KLRG1: variants seen among roughly 807,000 people sequenced by gnomAD.
KLRG1 encodes killer cell lectin-like receptor subfamily G member 1.
Under a neutral mutation model 21.8 loss-of-function variants are expected in KLRG1, and 16 were observed. The observed-to-expected ratio is 0.73, with a 90% CI of 0.50 to 1.11. KLRG1 has a LOEUF of 1.11. Among genes scored for constraint, KLRG1 ranks in the 50% most tolerant of loss-of-function variants. The probability of loss-of-function intolerance (pLI) is 0.00; values close to 1 mark genes in which losing one functional copy is unlikely to be tolerated. For synonymous variants in KLRG1, 69 were observed against 75.9 expected (o/e 0.91, Z 0.47); for missense variants, 173 against 218.3 (o/e 0.79, Z 1.31).
At chr12:9,131,132 G>C in the KLRG1 span, among the ~76,000 whole-genome samples, 2,505 of 152,132 alleles carry the variant, frequency 0.016, 71 homozygotes, top group African/African-American at 0.057. Flanking sequence ...ATTCTATTAC[G>C]ATGGTTTATT....
upstream of KLRG1, chr12:8,989,533 C>T: frequency 2.8e-6 from 2 of 706,348 alleles, no homozygotes; most frequent in South Asian, 1.8e-5. Flanking sequence ...GTGAAGTTTC[C>T]TGCTAGCAGT....
At chr12:9,070,347 G>T in the KLRG1 span, 1 of 648,626 alleles carries the variant, frequency 1.5e-6, no homozygotes, top group Non-Finnish European at 2.7e-6. Flanking sequence ...AAACACATGT[G>T]ATTATATTTC....
At chr12:9,075,054 A>G in the KLRG1 span, among the ~76,000 whole-genome samples, 2 of 152,220 alleles carry the variant, frequency 1.3e-5, no homozygotes, top group Non-Finnish European at 2.9e-5. Context: ...ATGGCACAGC[A>G]GTTGTCTCAT....
At chr12:9,192,094 A>C in the KLRG1 span, 1 of 1,026,664 alleles carries the variant, frequency 9.7e-7, no homozygotes, top group Non-Finnish European at 1.5e-6. Flanking sequence ...CCTTATTGTG[A>C]AGGGATGATG....
the KLRG1 span, among the ~76,000 whole-genome samples, chr12:9,048,383 C>T: frequency 6.6e-6 from 1 of 151,992 alleles, no homozygotes; most frequent in African/African-American, 2.4e-5. Context: ...CAACATTACC[C>T]TAATACCAAA....
intron 1 of KLRG1, among the ~76,000 whole-genome samples, chr12:8,963,549 A>G (rs749349498): frequency 6.6e-6 from 1 of 152,346 alleles, no homozygotes; most frequent in African/African-American, 2.4e-5. Flanking sequence ...CTGGCCTCAT[A>G]AAATGAGTTA....
chr12:9,165,067 G>C, the KLRG1 span: 58 of 1,505,766 alleles, frequency 3.9e-5, no homozygotes, highest in Non-Finnish European at 5.3e-5. Context: ...CTCAGGAACA[G>C]AATCAGTAGC....
the KLRG1 span, among the ~76,000 whole-genome samples, chr12:9,177,244 G>A: frequency 6.6e-6 from 1 of 152,190 alleles, no homozygotes; most frequent in Non-Finnish European, 1.5e-5. Context: ...TAGCTCTCTT[G>A]GATCACATGC....
At chr12:9,066,129 C>T in the KLRG1 span, 1,255 of 152,734 alleles carry the variant, frequency 8.2e-3, 12 homozygotes, top group African/African-American at 0.028. Context: ...TCATCTGTCT[C>T]ATTCTCCACT....
At chr12:9,152,363 A>C in the KLRG1 span, 1 of 1,344,338 alleles carries the variant, frequency 7.4e-7, no homozygotes, top group Non-Finnish European at 1.1e-6. Context: ...AAGAAAGCCA[A>C]ATTTCTGCTT....
intron 2 of KLRG1, among the ~76,000 whole-genome samples, chr12:8,993,744 A>G (rs745337710): frequency 6.6e-5 from 10 of 152,316 alleles, no homozygotes; most frequent in African/African-American, 2.2e-4. Flanking sequence ...TAAGGTGCCA[A>G]TTTAACAGCT....
chr12:8,956,873 G>A (rs775903707), intron 1 of KLRG1, among the ~76,000 whole-genome samples: 57 of 152,338 alleles, frequency 3.7e-4, no homozygotes, highest in African/African-American at 1.3e-3. Flanking sequence ...AGCTTCACAT[G>A]AAGCTGGTGC....
At chr12:9,200,585 A>G in the KLRG1 span, 1 of 739,010 alleles carries the variant, frequency 1.4e-6, no homozygotes, top group Admixed American at 2.9e-5. Context: ...CAACTTTAAG[A>G]TGGTAAGGTT....
chr12:8,964,890 T>TA (rs1188549103), intron 1 of KLRG1, among the ~76,000 whole-genome samples: 1 of 151,924 alleles, frequency 6.6e-6, no homozygotes, highest in Non-Finnish European at 1.5e-5. Flanking sequence ...ATTTGCTTGG[T>TA]AGATCTTCCT....
chr12:9,157,809 G>C, the KLRG1 span: 1 of 1,614,112 alleles, frequency 6.2e-7, no homozygotes, highest in Admixed American at 1.7e-5. Context: ...TAGTAACATA[G>C]GCGGAGAGGG....
chr12:9,152,156 G>T, the KLRG1 span: 2 of 1,166,460 alleles, frequency 1.7e-6, no homozygotes, highest in Non-Finnish European at 2.6e-6. Context: ...TATTGGTATG[G>T]TCTTAGTTTG....
At chr12:9,117,969 C>T in the KLRG1 span, among the ~76,000 whole-genome samples, 1 of 151,960 alleles carries the variant, frequency 6.6e-6, no homozygotes, top group Non-Finnish European at 1.5e-5. Context: ...AGCCATACTT[C>T]AAGTGGCCAA....
chr12:8,978,640 T>C (rs1479185846), intron 1 of KLRG1, among the ~76,000 whole-genome samples: 1 of 107,806 alleles, frequency 9.3e-6, no homozygotes, highest in African/African-American at 3.0e-5. Context: ...TTTTTCTTTC[T>C]TTTCTTTCTT....
At chr12:9,110,754 A>G in the KLRG1 span, among the ~76,000 whole-genome samples, 1 of 152,150 alleles carries the variant, frequency 6.6e-6, no homozygotes, top group Non-Finnish European at 1.5e-5. Context: ...TTTCATATAG[A>G]ATAATTCCCT....
Sources: allele counts gnomAD v4.1 joint callset (sites outside exome capture counted in the v4.1 genomes callset), GRCh38; gene constraint gnomAD v4.1.1; transcripts MANE v1.5; gene names NCBI Gene and HGNC (gene_info 2026-07-23, HGNC 2026-07-21).